MAP4: variants seen among roughly 807,000 people sequenced by gnomAD.
The protein encoded by MAP4 is microtubule associated protein 4, also known as microtubule-associated protein 4.
A neutral mutation model predicts 170.2 loss-of-function variants in MAP4; 76 were observed. The observed-to-expected ratio is 0.45, with a 90% CI of 0.37 to 0.54. The LOEUF (loss-of-function observed/expected upper bound fraction) is 0.54, where lower values mean the gene tolerates loss of function less well. Among genes scored for constraint, MAP4 ranks in the 20% least tolerant of loss-of-function variants. The pLI, the probability that MAP4 is intolerant of heterozygous loss-of-function variation, is 0.00. For synonymous variants in MAP4, 909 were observed against 994.5 expected, an observed-to-expected ratio of 0.91 and a Z score of 1.62; for missense variants, 2,506 against 2,748.0, an observed-to-expected ratio of 0.91 and a Z score of 1.97.
chr3:47,954,276 G>A (rs930810672), intron 3 of MAP4, among the ~76,000 whole-genome samples: 3 of 152,090 alleles, frequency 2.0e-5, no homozygotes, highest in Non-Finnish European at 4.4e-5. Context: ...AAGGGGTAAC[G>A]GGATCCTAAA....
intron 18 of MAP4, 53 bp downstream of exon 18, chr3:47,857,378 A>C: frequency 6.8e-7 from 1 of 1,477,358 alleles, no homozygotes; most frequent in Non-Finnish European, 9.5e-7. Context: ...CAGCTGACCC[A>C]TGGCAGGACG....
At chr3:47,919,474 A>T (rs1395657875) in intron 5 of MAP4, among the ~76,000 whole-genome samples, 1 of 151,182 alleles carries the variant, frequency 6.6e-6, no homozygotes, top group Non-Finnish European at 1.5e-5. Context: ...CACCTGGCTA[A>T]TTTTTTTGTA....
intron 1 of MAP4, among the ~76,000 whole-genome samples, chr3:48,035,115 C>T (rs1370151036): frequency 7.0e-6 from 1 of 143,674 alleles, no homozygotes; most frequent in East Asian, 2.1e-4. Flanking sequence ...AGAAAAAAAT[C>T]ATTATTTTAA....
At chr3:48,087,820 T>C (rs2100150108) in intron 1 of MAP4, among the ~76,000 whole-genome samples, 1 of 149,726 alleles carries the variant, frequency 6.7e-6, no homozygotes, top group Admixed American at 6.6e-5. Flanking sequence ...GGAGAGAGAA[T>C]CGAGAGGCCC....
intron 2 of MAP4, chr3:47,987,479 A>G (rs1237783812): frequency 3.9e-6 from 5 of 1,297,156 alleles, no homozygotes; most frequent in Non-Finnish European, 5.2e-6. Context: ...CTGGAAAGTT[A>G]CATCTAAATC....
chr3:47,959,689 G>A (rs2100070273), intron 3 of MAP4, among the ~76,000 whole-genome samples: 2 of 150,982 alleles, frequency 1.3e-5, no homozygotes, highest in South Asian at 2.1e-4. Context: ...AACCCGGGAG[G>A]TGGAGCATGC....
intron 1 of MAP4, among the ~76,000 whole-genome samples, chr3:48,063,185 G>A (rs1247633560): frequency 4.0e-5 from 6 of 150,264 alleles, no homozygotes; most frequent in Admixed American, 6.6e-5. Context: ...CACCGTGTCC[G>A]TATCAGAATG....
At chr3:47,886,717 C>T (rs563426414) in intron 10 of MAP4, among the ~76,000 whole-genome samples, 1 of 152,224 alleles carries the variant, frequency 6.6e-6, no homozygotes, top group Non-Finnish European at 1.5e-5. Context: ...TTGGGTCTTT[C>T]CATTACCTAT....
At chr3:47,864,456 C>G (rs975150112) in intron 17 of MAP4, among the ~76,000 whole-genome samples, 2 of 152,132 alleles carry the variant, frequency 1.3e-5, no homozygotes, top group Non-Finnish European at 2.9e-5. Context: ...GCGGGCGGAT[C>G]ATGAGGTCAG....
intron 3 of MAP4, among the ~76,000 whole-genome samples, chr3:47,965,127 A>C (rs1366032954): frequency 6.6e-6 from 1 of 152,186 alleles, no homozygotes; most frequent in East Asian, 1.9e-4. Flanking sequence ...TGTAAATTTG[A>C]CTACTTTAGG....
chr3:47,879,078 G>A (rs1354044426), intron 10 of MAP4, among the ~76,000 whole-genome samples: 2 of 152,118 alleles, frequency 1.3e-5, no homozygotes, highest in African/African-American at 4.8e-5. Flanking sequence ...AATGTGCAAG[G>A]TTTCCACCAG....
chr3:47,934,267 T>C (rs2100051516), intron 3 of MAP4, among the ~76,000 whole-genome samples: 1 of 152,158 alleles, frequency 6.6e-6, no homozygotes, highest in Admixed American at 6.5e-5. Context: ...CCCAGTCAAA[T>C]TTCTACCCTT....
chr3:48,076,110 C>T (rs572269275), intron 1 of MAP4, among the ~76,000 whole-genome samples: 2 of 146,964 alleles, frequency 1.4e-5, no homozygotes, highest in African/African-American at 5.0e-5. Context: ...TTTAAAGAAA[C>T]ATAAATTACA....
chr3:47,912,397 G>C lies in MAP4; in HGVS notation c.2024C>G (p.Pro675Arg). 1 of 1,502,664 alleles carries C rather than the reference G, an allele frequency of 6.7e-7. No homozygotes were observed. The highest frequency in any genetic ancestry group is 2.5e-5 in the East Asian group (1 of 40,286). The allele number at this position is 1,502,664 out of a possible 1,614,324, so 93.1% of individuals were successfully genotyped here. ...TSANFMYCGT[P>R]PTQAKQVCRP... Reference sequence around the variant, plus strand: ...GCAAACTTGTTTGGCTTGTGTGGGAGGGGTACCGCAATACATGAAGTTGGC... The same window carrying C: ...GCAAACTTGTTTGGCTTGTGTGGGACGGGTACCGCAATACATGAAGTTGGC... Residue 675 changes from proline to arginine, a missense_variant, in exon 9 of 21, where the codon CCT (proline) becomes CGT (arginine). This residue lies in a region of MAP4 where 2,008 missense variants were observed against 2,206.0 expected (regional missense o/e 0.91). Coordinates refer to ENST00000683076, the MANE Select transcript of MAP4 (RefSeq NM_001385682.1).
At chr3:48,050,860 G>A (rs1226185339) in intron 1 of MAP4, among the ~76,000 whole-genome samples, 3 of 149,356 alleles carry the variant, frequency 2.0e-5, no homozygotes, top group African/African-American at 7.4e-5. Context: ...AGCTGAGATC[G>A]CGCCATTGCA....
At chr3:48,035,853 T>G (rs1332493894) in intron 1 of MAP4, among the ~76,000 whole-genome samples, 1 of 152,054 alleles carries the variant, frequency 6.6e-6, no homozygotes, top group African/African-American at 2.4e-5. Flanking sequence ...GGCATGAGAA[T>G]TGCTTGAACC....
chr3:48,059,000 A>T (rs1033402100), intron 1 of MAP4, among the ~76,000 whole-genome samples: 1 of 151,914 alleles, frequency 6.6e-6, no homozygotes, highest in Non-Finnish European at 1.5e-5. Context: ...GCTGCTCTTG[A>T]ACTCCTGACC....
chr3:48,080,488 G>A (rs1342749410), intron 1 of MAP4, among the ~76,000 whole-genome samples: 2 of 152,174 alleles, frequency 1.3e-5, no homozygotes, highest in Non-Finnish European at 2.9e-5. Flanking sequence ...GAAGACAAAG[G>A]TTGATTTGTT....
At chr3:47,907,356 G>A (rs1223468517) in intron 9 of MAP4, among the ~76,000 whole-genome samples, 2 of 152,064 alleles carry the variant, frequency 1.3e-5, no homozygotes, top group Non-Finnish European at 2.9e-5. Flanking sequence ...GCCAACTTAC[G>A]TTTTACTGTA....
Sources: gnomAD v4.1 joint callset for allele counts (sites outside exome capture counted in the v4.1 genomes callset) on GRCh38, gnomAD v4.1.1 for gene constraint, gnomAD v4.1.1 regional missense constraint, MANE v1.5 for transcripts, NCBI Gene and HGNC (gene_info 2026-07-23, HGNC 2026-07-21) for gene names.